Variants in RCOR1 observed in about 807,000 individuals in gnomAD.
The protein encoded by RCOR1 is REST corepressor 1.
A neutral mutation model predicts 64.0 loss-of-function variants in RCOR1; 12 were observed. The observed-to-expected ratio is 0.19, with a 90% CI of 0.12 to 0.30. The LOEUF (loss-of-function observed/expected upper bound fraction) is 0.30, where lower values mean the gene tolerates loss of function less well. Among genes scored for constraint, RCOR1 ranks in the 10% least tolerant of loss-of-function variants. The pLI is 1.00. For synonymous variants in RCOR1, 279 were observed against 227.2 expected (o/e 1.23, Z -2.05); for missense variants, 502 against 621.2 (o/e 0.81, Z 2.04).
chr14:102,682,782 T>C (rs1895332697), intron 3 of RCOR1, among the ~76,000 whole-genome samples: 1 of 152,228 alleles, frequency 6.6e-6, no homozygotes, highest in South Asian at 2.1e-4. Context: ...TTCATACTCC[T>C]GTATCATTCA....
In RCOR1 at chr14:102,607,121, C is replaced by T. The variant is rs532854722; in HGVS notation, c.361+13796C>T. On this transcript the variant is annotated intron_variant, in intron 2 of 11. Coordinates refer to ENST00000262241, the MANE Select transcript of RCOR1 (RefSeq NM_015156.4). The stretch of plus-strand genomic sequence containing the variant: ...GCTGATTTTGTATTTTTAGTAGAGA[C>T]GGGGTTTTTCCATGTTGGTCAGGCT... 2.0e-3 allele frequency among the ~76,000 whole-genome samples: 299 copies of T among 151,906 alleles called. 1 individual carries two copies. Among genetic ancestry groups the T allele is most frequent in the Middle Eastern group, 3.4e-3 (1 of 294 alleles).
At chr14:102,672,821 G>C (rs527526943) in intron 2 of RCOR1, among the ~76,000 whole-genome samples, 1 of 152,324 alleles carries the variant, frequency 6.6e-6, no homozygotes, top group African/African-American at 2.4e-5. Flanking sequence ...AATGTAAATT[G>C]CTGTTCTGCT....
chr14:102,711,327 C>T (rs566557393), intron 7 of RCOR1, among the ~76,000 whole-genome samples: 37 of 152,304 alleles, frequency 2.4e-4, no homozygotes, highest in Admixed American at 3.9e-4. Flanking sequence ...TAGTGAATTC[C>T]AGGCAGCCTT....
At chr14:102,658,725 G>A in intron 2 of RCOR1, 2 of 721,138 alleles carry the variant, frequency 2.8e-6, no homozygotes, top group Non-Finnish European at 3.4e-6. Flanking sequence ...GATTCCAATA[G>A]TTTTCCCATT....
chr14:102,690,018 C>T (rs530655223), intron 3 of RCOR1, among the ~76,000 whole-genome samples: 52 of 152,130 alleles, frequency 3.4e-4, no homozygotes, highest in African/African-American at 1.2e-3. Flanking sequence ...GCTGGGATTA[C>T]AGGCGTGAGT....
At chr14:102,683,409 A>G (rs1595228790) in intron 3 of RCOR1, among the ~76,000 whole-genome samples, 1 of 152,166 alleles carries the variant, frequency 6.6e-6, no homozygotes, top group East Asian at 1.9e-4. Flanking sequence ...ACCGGCCAGA[A>G]AAACAGACTC....
intron 7 of RCOR1, among the ~76,000 whole-genome samples, chr14:102,712,640 G>A (rs570419320): frequency 2.7e-5 from 4 of 146,764 alleles, no homozygotes; most frequent in African/African-American, 1.0e-4. Flanking sequence ...TTGAGTCAAC[G>A]TGTTCTAGAT....
rs548683297 is a variant in RCOR1, at chr14:102,726,289, G to T, written c.1420-179G>T. On this transcript the variant is annotated intron_variant, in intron 11 of 11. Coordinates refer to ENST00000262241, the MANE Select transcript of RCOR1 (RefSeq NM_015156.4). Reference sequence around the variant, plus strand: ...TGCAGCGAGCCGAGATAGCGCCACTGCACTCCAGCCTGGGAGACAGAGTGA... The same window carrying T: ...TGCAGCGAGCCGAGATAGCGCCACTTCACTCCAGCCTGGGAGACAGAGTGA... Among the ~76,000 whole-genome samples the T allele has an allele frequency of 2.6e-5, 4 of 150,984 alleles. No homozygotes were observed. The South Asian group carries it at 8.4e-4, about 32-fold the overall frequency.
intron 3 of RCOR1, among the ~76,000 whole-genome samples, chr14:102,695,705 CCTG>C (rs1350155693): frequency 6.6e-6 from 1 of 150,910 alleles, no homozygotes; most frequent in East Asian, 1.9e-4. Flanking sequence ...GCCACCATGC[CCTG>C]CTATTTTTTT....
intron 2 of RCOR1, chr14:102,649,621 A>C (rs537517183): frequency 5.8e-6 from 1 of 172,512 alleles, no homozygotes; most frequent in Admixed American, 6.5e-5. Flanking sequence ...TCCACTATGC[A>C]CTGCCAAGTG....
chr14:102,593,455 C>T (rs1247837516), intron 2 of RCOR1, 130 bp downstream of exon 2: 1 of 997,932 alleles, frequency 1.0e-6, no homozygotes, highest in Non-Finnish European at 1.4e-6. Context: ...GTGGGGAGAA[C>T]AGCAGGGCGA....
intron 2 of RCOR1, among the ~76,000 whole-genome samples, chr14:102,608,896 G>A (rs1160546933): frequency 6.6e-6 from 1 of 151,436 alleles, no homozygotes; most frequent in Non-Finnish European, 1.5e-5. Context: ...TTAGCTTGTT[G>A]TTACCTTTTG....
At chr14:102,619,184 C>T (rs1375589720) in intron 2 of RCOR1, among the ~76,000 whole-genome samples, 1 of 151,136 alleles carries the variant, frequency 6.6e-6, no homozygotes, top group Non-Finnish European at 1.5e-5. Flanking sequence ...TGCAATGATG[C>T]AATCTTGGTT....
At chr14:102,598,252 G>A (rs1199127987) in intron 2 of RCOR1, among the ~76,000 whole-genome samples, 2 of 152,096 alleles carry the variant, frequency 1.3e-5, no homozygotes, top group Admixed American at 6.6e-5. Context: ...CACTGTGCCC[G>A]GCCTGATTTT....
intron 7 of RCOR1, among the ~76,000 whole-genome samples, chr14:102,712,947 G>GTTTT (rs67246962): frequency 1.1e-3 from 84 of 77,710 alleles, no homozygotes; most frequent in Non-Finnish European, 1.4e-3. Flanking sequence ...CTAAATCATT[G>GTTTT]TTTTTTTTTT....
At chr14:102,657,504 G>A in intron 2 of RCOR1, 1 of 983,444 alleles carries the variant, frequency 1.0e-6, no homozygotes, top group Non-Finnish European at 1.2e-6. Flanking sequence ...TTAATCTAGT[G>A]GAATTTTAAA....
chr14:102,684,707 T>TG (rs5811079), intron 3 of RCOR1, among the ~76,000 whole-genome samples: 13,676 of 152,212 alleles, frequency 0.09, 669 homozygotes, highest in Middle Eastern at 0.17. Context: ...TTAAACATTT[T>TG]GGGGTATTTC....
intron 2 of RCOR1, among the ~76,000 whole-genome samples, chr14:102,672,969 G>T (rs1340694081): frequency 6.6e-6 from 1 of 152,156 alleles, no homozygotes; most frequent in African/African-American, 2.4e-5. Context: ...CACAGACATT[G>T]TATCAGGTAA....
chr14:102,661,967 C>T (rs910305629), intron 2 of RCOR1, among the ~76,000 whole-genome samples: 2 of 151,992 alleles, frequency 1.3e-5, no homozygotes, highest in Admixed American at 1.3e-4. Flanking sequence ...CACTTTGTTG[C>T]CCAGGCTGGT....
Sources: gnomAD v4.1 joint callset for allele counts (sites outside exome capture counted in the v4.1 genomes callset) on GRCh38, gnomAD v4.1.1 for gene constraint, MANE v1.5 for transcripts, NCBI Gene and HGNC (gene_info 2026-07-23, HGNC 2026-07-21) for gene names.